The following FGGY variants were observed in gnomAD, a reference collection of about 807,000 sequenced individuals.
The protein encoded by FGGY is FGGY carbohydrate kinase domain-containing protein.
FGGY carries 72 observed loss-of-function variants against 71.3 expected under a neutral mutation model. The observed-to-expected ratio is 1.01, with a 90% CI of 0.84 to 1.23. The LOEUF is 1.23. Among genes scored for constraint, FGGY ranks in the 50% most tolerant of loss-of-function variants. The pLI is 0.00. For synonymous variants in FGGY, 251 were observed against 250.3 expected (o/e 1.00, Z -0.02); for missense variants, 668 against 682.3 (o/e 0.98, Z 0.23).
At chr1:59,611,044 C>G (rs762891938) in intron 9 of FGGY, among the ~76,000 whole-genome samples, 15 of 152,214 alleles carry the variant, frequency 9.9e-5, no homozygotes, top group Non-Finnish European at 2.2e-4. Context: ...CCCACCTCAG[C>G]TCAAGGAGAC....
chr1:59,649,882 T>C (rs1389704393), intron 11 of FGGY, among the ~76,000 whole-genome samples: 1 of 141,100 alleles, frequency 7.1e-6, no homozygotes, highest in Non-Finnish European at 1.5e-5. Flanking sequence ...ATATTGGCTG[T>C]GGGTTTGTCA....
chr1:59,674,116 G>T lies in FGGY; in HGVS notation c.1495G>T (p.Asp499Tyr). 2 of 1,613,828 alleles carry T rather than the reference G, an allele frequency of 1.2e-6. No individual in the cohort carries two copies. The highest frequency in any genetic ancestry group is 1.7e-6 in the Non-Finnish European group (2 of 1,179,884). Reference protein sequence around the residue: ...AAVLGACASGDFASVQEAMAK... With the variant: ...AAVLGACASGYFASVQEAMAK... ...TGTTCTGGGTGCCTGTGCCTCAGGG[G>T]ATTTCGCTTCTGTACAGGTATGTGA... The change falls in exon 14 of 16, where the codon GAT becomes TAT. Residue 499 changes from aspartate (D) to tyrosine (Y), a missense_variant. Coordinates refer to ENST00000303721, the MANE Select transcript of FGGY (RefSeq NM_018291.5).
chr1:59,316,198 AC>A (rs141123586), intron 1 of FGGY: 1 of 152,340 alleles, frequency 6.6e-6, no homozygotes, highest in East Asian at 1.9e-4. Context: ...GGACTTGTGT[AC>A]ATCAACTCCC....
chr1:59,516,051 A>G (rs985339055), intron 7 of FGGY, among the ~76,000 whole-genome samples: 1 of 151,914 alleles, frequency 6.6e-6, no homozygotes, highest in Non-Finnish European at 1.5e-5. Context: ...ATACAGACTT[A>G]CTTAATATAT....
Position 59,376,464 on chromosome 1 carries a change from A to C in FGGY, c.466-2285A>C, listed in dbSNP as rs571226997. Reference sequence around the variant, plus strand: ...ATGTTGGTGTTTATATAGTAGTGTTAGGGAAGCACTATGTAGGAGGAACTC... The same window carrying C: ...ATGTTGGTGTTTATATAGTAGTGTTCGGGAAGCACTATGTAGGAGGAACTC... On this transcript the variant is annotated intron_variant, in intron 4 of 15. Transcript: ENST00000303721. Among the ~76,000 whole-genome samples, 4 of 152,330 alleles carry C rather than the reference A, an allele frequency of 2.6e-5. No individual in the cohort carries two copies. The South Asian group carries it at 8.3e-4, about 32-fold the overall frequency.
At chr1:59,557,804 AC>A (rs1323386364) in intron 8 of FGGY, among the ~76,000 whole-genome samples, 1 of 152,152 alleles carries the variant, frequency 6.6e-6, no homozygotes, top group Non-Finnish European at 1.5e-5. Context: ...TTGGGTTGTA[AC>A]TTGGCAACTT....
chr1:59,647,660 T>C (rs947840422), intron 11 of FGGY, among the ~76,000 whole-genome samples: 3 of 152,068 alleles, frequency 2.0e-5, no homozygotes, highest in East Asian at 3.8e-4. Context: ...GGTCCCTGTT[T>C]CCATGTTAAA....
At chr1:59,504,505 C>A (rs1434541756) in intron 6 of FGGY, among the ~76,000 whole-genome samples, 1 of 152,170 alleles carries the variant, frequency 6.6e-6, no homozygotes, top group East Asian at 1.9e-4. Context: ...TAAATGACAT[C>A]CAGCTGGCGT....
At chr1:59,333,762 A>G (rs1347414709) in intron 2 of FGGY, among the ~76,000 whole-genome samples, 2 of 152,204 alleles carry the variant, frequency 1.3e-5, no homozygotes, top group Non-Finnish European at 1.5e-5. Context: ...TTTGAATTCA[A>G]GTCTTTGTGA....
rs72917767 is a variant in FGGY, at chr1:59,565,256, A to G, written c.903+11029A>G. Among the ~76,000 whole-genome samples, 1,067 of 152,172 alleles carry G rather than the reference A, an allele frequency of 7.0e-3. 11 individuals are homozygous for G. Among genetic ancestry groups the G allele is most frequent in the African/African-American group, 0.024 (999 of 41,518 alleles). ...AAACTGAGGCTCAGAGAGACAAGTG[A>G]CTTATCCAAGGCTGTCTAGCTAGTA... On this transcript the variant is annotated intron_variant, in intron 8 of 15. Coordinates refer to ENST00000303721, the MANE Select transcript of FGGY (RefSeq NM_018291.5).
chr1:59,451,500 A>G (rs2072710020), intron 5 of FGGY, among the ~76,000 whole-genome samples: 1 of 151,924 alleles, frequency 6.6e-6, no homozygotes, highest in Admixed American at 6.6e-5. Flanking sequence ...ATTTTTATGC[A>G]TATATGTATA....
At chr1:59,410,757 G>A (rs959647623) in intron 5 of FGGY, among the ~76,000 whole-genome samples, 6 of 152,024 alleles carry the variant, frequency 3.9e-5, no homozygotes, top group South Asian at 2.1e-4. Flanking sequence ...CCATGGTGAC[G>A]TTCTTTTTGT....
At chr1:59,657,289 C>G (rs556292335) in intron 11 of FGGY, among the ~76,000 whole-genome samples, 1 of 152,298 alleles carries the variant, frequency 6.6e-6, no homozygotes, top group South Asian at 2.1e-4. Context: ...GTCAGCCACA[C>G]AGAGGATCAT....
chr1:59,311,829 C>G (rs893053755), intron 1 of FGGY, among the ~76,000 whole-genome samples: 1 of 152,128 alleles, frequency 6.6e-6, no homozygotes, highest in Admixed American at 6.6e-5. Flanking sequence ...CTGCCTTCTA[C>G]TCTTCCACAA....
chr1:59,321,324 T>C lies in FGGY; in HGVS notation c.-14-212T>C, dbSNP rs150500800. 4.9e-4 allele frequency among the ~76,000 whole-genome samples: 75 copies of C among 152,340 alleles called. 1 individual carries two copies. Among genetic ancestry groups the C allele is most frequent in the Non-Finnish European group, 7.4e-5 (5 of 68,024 alleles). ...CTCTCTCTCAAGAGTGGAAATGCCATGTCTGAGGCCATATCTGTGCTGTTC... is the reference window on the plus strand; with the variant it reads ...CTCTCTCTCAAGAGTGGAAATGCCACGTCTGAGGCCATATCTGTGCTGTTC... On this transcript the variant is annotated intron_variant, in intron 1 of 15. Coordinates refer to ENST00000303721, the MANE Select transcript of FGGY (RefSeq NM_018291.5).
intron 11 of FGGY, among the ~76,000 whole-genome samples, chr1:59,658,600 G>A (rs962274616): frequency 7.2e-5 from 11 of 152,324 alleles, no homozygotes; most frequent in East Asian, 3.9e-4. Flanking sequence ...AAGCAAGGGC[G>A]AGCCCAGGAA....
intron 14 of FGGY, among the ~76,000 whole-genome samples, chr1:59,706,449 T>G (rs2154023533): frequency 6.6e-6 from 1 of 152,360 alleles, no homozygotes; most frequent in Admixed American, 6.5e-5. Flanking sequence ...AGTACAGTAC[T>G]CAGGGAGCTA....
chr1:59,705,784 C>T (rs1300414368), intron 14 of FGGY, among the ~76,000 whole-genome samples: 5 of 152,218 alleles, frequency 3.3e-5, no homozygotes, highest in Non-Finnish European at 7.3e-5. Flanking sequence ...TGTTTCAGCA[C>T]TTGGTATCTG....
intron 8 of FGGY, among the ~76,000 whole-genome samples, chr1:59,605,683 T>TC (rs1259162201): frequency 6.6e-6 from 1 of 151,930 alleles, no homozygotes; most frequent in East Asian, 1.9e-4. Flanking sequence ...TTGCCTTCCT[T>TC]CCCCCCCTTC....
Sources: gnomAD v4.1 joint callset for allele counts (sites outside exome capture counted in the v4.1 genomes callset) on GRCh38, gnomAD v4.1.1 for gene constraint, MANE v1.5 for transcripts, NCBI Gene and HGNC (gene_info 2026-07-23, HGNC 2026-07-21) for gene names.